Variants in CNDP2 observed in about 807,000 individuals in gnomAD.
The protein encoded by CNDP2 is cytosolic non-specific dipeptidase.
In CNDP2, 38 loss-of-function variants were observed where a neutral mutation model predicts 55.0. The observed-to-expected ratio is 0.69, with a 90% CI of 0.53 to 0.90. The LOEUF is 0.90. Among genes scored for constraint, CNDP2 ranks in the 40% least tolerant of loss-of-function variants. The pLI is 0.00. For synonymous variants in CNDP2, 241 were observed against 260.2 expected (o/e 0.93, Z 0.71); for missense variants, 607 against 621.7 (o/e 0.98, Z 0.25).
At chr18:74,516,198 G>T (rs1157510063) in intron 8 of CNDP2, 30 bp from the exon 9 acceptor site, 1 of 1,583,250 alleles carries the variant, frequency 6.3e-7, no homozygotes, top group South Asian at 1.2e-5. Flanking sequence ...GAATGCCTGA[G>T]GTGTCCCTGA....
chr18:74,512,723 C>A (rs533031917), intron 7 of CNDP2, among the ~76,000 whole-genome samples, 191 bp downstream of exon 7: 2 of 152,094 alleles, frequency 1.3e-5, no homozygotes, highest in Non-Finnish European at 2.9e-5. Context: ...TGATTTTTGC[C>A]CCTGAAACCC....
intron 9 of CNDP2, chr18:74,518,121 T>C (rs9966475): frequency 0.37 from 58,116 of 157,876 alleles, 12,006 homozygotes; most frequent in Non-Finnish European, 0.48. Flanking sequence ...ATTAGCCGGG[T>C]GTGGTGGCGG....
chr18:74,505,158 T>C (rs1185545018), intron 3 of CNDP2: 1 of 152,242 alleles, frequency 6.6e-6, no homozygotes, highest in Non-Finnish European at 1.5e-5. Flanking sequence ...TTGTAATCAA[T>C]GTACAGAATT....
In CNDP2 at chr18:74,513,797, C is replaced by G. The variant is rs976705747; in HGVS notation, c.903+78C>G. The G allele has an allele frequency of 1.1e-5, 17 of 1,483,688 alleles. No homozygotes were observed. The African/African-American group carries it at 2.4e-4, about 21-fold the overall frequency. 91.9% of individuals were successfully genotyped at this position (1,483,688 alleles called of 1,614,324 possible). On this transcript the variant is annotated intron_variant, in intron 8 of 11. Coordinates refer to ENST00000324262, the MANE Select transcript of CNDP2 (RefSeq NM_018235.3). The stretch of plus-strand genomic sequence containing the variant: ...GTGTCCCCCAGGCCCTGTCACCTTC[C>G]CTGGGTCCAGGGGGTCTCTGAGGGA...
intron 9 of CNDP2, chr18:74,517,991 C>CT (rs1168781263): frequency 6.6e-6 from 1 of 152,210 alleles, no homozygotes; most frequent in East Asian, 1.9e-4. Context: ...TCCCCTCTTT[C>CT]TGGCCGGGCG....
chr18:74,497,263 C>T (rs1978465761), intron 1 of CNDP2, among the ~76,000 whole-genome samples: 1 of 152,156 alleles, frequency 6.6e-6, no homozygotes, highest in Non-Finnish European at 1.5e-5. Flanking sequence ...GAGAAGTCCA[C>T]ATTATGCTTA....
chr18:74,511,423 G>A (rs1599067364), intron 6 of CNDP2, among the ~76,000 whole-genome samples: 1 of 152,182 alleles, frequency 6.6e-6, no homozygotes, highest in South Asian at 2.1e-4. Flanking sequence ...AAGAGAAACC[G>A]AGGCCGGGTG....
At chr18:74,502,051 A>C (rs1052353102) in intron 3 of CNDP2, among the ~76,000 whole-genome samples, 13 of 152,050 alleles carry the variant, frequency 8.5e-5, no homozygotes, top group African/African-American at 3.1e-4. Context: ...ACACCCAGCT[A>C]ATTTTTATAT....
At chr18:74,509,149 G>T (rs1016729474) in intron 5 of CNDP2, 5 of 526,282 alleles carry the variant, frequency 9.5e-6, no homozygotes, top group Middle Eastern at 5.1e-4. Context: ...CTGCTTAAAG[G>T]TCACAATATT....
chr18:74,498,964 G>A (rs1340706170), intron 1 of CNDP2, among the ~76,000 whole-genome samples: 6 of 152,202 alleles, frequency 3.9e-5, no homozygotes, highest in Non-Finnish European at 7.3e-5. Context: ...CAGTTGCCAC[G>A]CTTGGTGTCG....
At position 74,506,006 on chromosome 18, in the gene CNDP2, G is replaced by A. The variant is rs1340122464; in HGVS notation, c.362G>A (p.Arg121Gln). 10 of 1,587,038 alleles carry A rather than the reference G, an allele frequency of 6.3e-6. No individual in the cohort carries two copies. The highest frequency in any genetic ancestry group is 1.4e-5 in the African/African-American group (1 of 73,172). Residue 121 changes from arginine (R) to glutamine (Q), a missense_variant, in exon 4 of 12, where the codon CGA becomes CAA. Physicochemically the swap from Arg to Gln is conservative, Grantham distance 43. Transcript: ENST00000324262. ...WDSEPFTLVE[R>Q]DGKLYGRGST... ...AGCGAGCCCTTCACCCTGGTGGAGC[G>A]AGACGGTGAGCGCCGCGCGCCTATG...
At position 74,499,980 on chromosome 18, in the gene CNDP2, G is replaced by A. The variant is rs771406085; in HGVS notation, c.7G>A (p.Ala3Thr). The A allele has an allele frequency of 5.0e-6, 8 of 1,614,020 alleles. No individual in the cohort carries two copies. In the East Asian group the frequency reaches 6.7e-5, roughly 13 times the overall value. The change falls in exon 2 of 12, where the codon GCC becomes ACC. Residue 3 changes from alanine (A) to threonine (T), a missense_variant. Ala to Thr is a moderately conservative substitution (Grantham distance 58, BLOSUM62 0). Transcript: ENST00000324262. ...TCTGGGGTCTGGTTGAAAGATGGCG[G>A]CCCTCACTACCCTGTTTAAGTACAT... MA[A>T]LTTLFKYIDE...
chr18:74,500,656 AG>A (rs1978639615), intron 2 of CNDP2, among the ~76,000 whole-genome samples: 2 of 152,348 alleles, frequency 1.3e-5, no homozygotes, highest in South Asian at 4.1e-4. Flanking sequence ...TTCTTGGTAC[AG>A]GGTTAGTACT....
chr18:74,508,910 G>C lies in CNDP2; in HGVS notation c.438G>C (p.Ala146=), dbSNP rs1038358235. 2 of 1,614,064 alleles carry C rather than the reference G, an allele frequency of 1.2e-6. No individual in the cohort carries two copies. Residue 146 remains alanine (A), a synonymous_variant, in exon 5 of 12, where the codon GCG becomes GCC. Transcript: ENST00000324262. ...PVAGWINALE[A]YQKTGQEIPV... ...CCGGCTGGATAAACGCCCTGGAAGC[G>C]TATCAGAAAACAGGCCAGGTATGCC... is the stretch of plus-strand genomic sequence containing the variant.
rs771323232 is a variant in CNDP2, at chr18:74,518,599, G to A, written c.1169G>A (p.Ser390Asn). The change falls in exon 10 of 12, where the codon AGT (serine) becomes AAT (asparagine). Residue 390 changes from serine (S) to asparagine (N), a missense_variant. Transcript: ENST00000324262. The stretch of plus-strand genomic sequence containing the variant: ...GGGAAGCCCTGGGTCTCCGACTTCA[G>A]TCACCCTCATTACCTGGCTGGGAGA... ...HGGKPWVSDF[S>N]HPHYLAGRRA... 1 of 1,614,246 alleles carries A rather than the reference G, an allele frequency of 6.2e-7. No homozygotes were observed. Among genetic ancestry groups the A allele is most frequent in the African/African-American group, 1.3e-5 (1 of 75,064 alleles).
In CNDP2 at chr18:74,520,285, G is replaced by A; in HGVS notation, c.*217G>A. On this transcript the variant is annotated 3_prime_UTR_variant, in exon 12 of 12. Transcript: ENST00000324262. ...CTGGAGTGACAGCTGAGTCACCCTGGGTAAGTTCTCAGAGTGGTCAGGATG... is the reference window on the plus strand; with the variant it reads ...CTGGAGTGACAGCTGAGTCACCCTGAGTAAGTTCTCAGAGTGGTCAGGATG... 1.9e-6 allele frequency: 1 copy of A among 539,596 alleles called. No homozygotes were observed. The highest frequency in any genetic ancestry group is 3.4e-6 in the Non-Finnish European group (1 of 297,856). The allele number at this position is 539,596 out of a possible 1,614,324, so 33.4% of individuals were successfully genotyped here. A position where few individuals can be genotyped will look rare whatever the true frequency, so the allele number is the denominator to read the frequency against.
rs1310838657 is a variant in CNDP2 at position 74,505,945 on chromosome 18, G to A, written c.301G>A (p.Asp101Asn). The change falls in exon 4 of 12, where the codon GAT (aspartate) becomes AAT (asparagine). Residue 101 changes from aspartate to asparagine, a missense_variant. Coordinates refer to ENST00000324262, the MANE Select transcript of CNDP2 (RefSeq NM_018235.3). ...KKTVCIYGHL[D>N]VQPAALEDGW... The stretch of plus-strand genomic sequence containing the variant: ...GACCGTGTGCATTTACGGGCACCTG[G>A]ATGTGCAGCCTGCAGCCCTGGAGGA... 4 of 1,612,280 alleles carry A rather than the reference G, an allele frequency of 2.5e-6. No individual in the cohort carries two copies. Among genetic ancestry groups the A allele is most frequent in the Non-Finnish European group, 3.4e-6 (4 of 1,179,396 alleles).
intron 8 of CNDP2, among the ~76,000 whole-genome samples, chr18:74,515,500 C>G (rs1332974665): frequency 6.6e-6 from 1 of 152,112 alleles, no homozygotes; most frequent in Admixed American, 6.5e-5. Context: ...TCTGTTCCTC[C>G]CAGATAACAC....
chr18:74,499,827 T>C (rs1978590654), intron 1 of CNDP2, 55 bp from the exon 2 acceptor site: 3 of 602,534 alleles, frequency 5.0e-6, no homozygotes, highest in Admixed American at 3.4e-5. Flanking sequence ...GTTGCAGTGC[T>C]GGCTGGGAGG....
Sources: gnomAD v4.1 joint callset for allele counts (sites outside exome capture counted in the v4.1 genomes callset) on GRCh38, gnomAD v4.1.1 for gene constraint, MANE v1.5 for transcripts, NCBI Gene and HGNC (gene_info 2026-07-23, HGNC 2026-07-21) for gene names.